ULK2: variants seen among roughly 807,000 people sequenced by gnomAD.
The protein encoded by ULK2 is serine/threonine-protein kinase ULK2.
ULK2 carries 76 observed loss-of-function variants against 127.5 expected under a neutral mutation model. The ratio of observed to expected loss-of-function variants is 0.60; its 90% CI spans 0.50 to 0.72. The LOEUF is 0.72. Among genes scored for constraint, ULK2 ranks in the 30% least tolerant of loss-of-function variants. ULK2 has a pLI of 0.00. For synonymous variants in ULK2, 452 were observed against 461.9 expected, an observed-to-expected ratio of 0.98 and a Z score of 0.28; for missense variants, 1,144 against 1,295.9, an observed-to-expected ratio of 0.88 and a Z score of 1.80.
intron 3 of ULK2, among the ~76,000 whole-genome samples, chr17:19,856,340 T>C (rs1178718776): frequency 6.6e-6 from 1 of 152,124 alleles, no homozygotes; most frequent in African/African-American, 2.4e-5. Context: ...CCCAGCACTT[T>C]GGGAGGCCGA....
At chr17:19,792,437 C>G (rs1356125271) in intron 20 of ULK2, among the ~76,000 whole-genome samples, 3 of 152,240 alleles carry the variant, frequency 2.0e-5, no homozygotes, top group Non-Finnish European at 4.4e-5. Flanking sequence ...CTTCTGCCTT[C>G]CATTATGTGA....
At chr17:19,834,000 A>G (rs1449633779) in intron 10 of ULK2, among the ~76,000 whole-genome samples, 7 of 152,320 alleles carry the variant, frequency 4.6e-5, no homozygotes, top group African/African-American at 1.7e-4. Flanking sequence ...AGAGATACAC[A>G]TCTAGACACA....
At position 19,804,789 on chromosome 17, in the gene ULK2, G is replaced by A. The variant is rs772059900; in HGVS notation, c.1199C>T (p.Pro400Leu). 2 of 1,612,868 alleles carry A rather than the reference G, an allele frequency of 1.2e-6. No individual in the cohort carries two copies. The highest frequency in any genetic ancestry group is 1.1e-5 in the South Asian group (1 of 90,886). ...CCTTATTTGAGTAGGAACTGGAATT[G>A]GTGCTGTTTCGCTGTGAGGTGACAC... is the stretch of plus-strand genomic sequence containing the variant. ...PTVSPHSETA[P>L]IPVPTQIRNY... The change falls in exon 15 of 27, where the codon CCA becomes CTA. Residue 400 changes from proline to leucine, a missense_variant. This residue lies in a region of ULK2 where 913 missense variants were observed against 970.5 expected (regional missense o/e 0.94). Transcript: ENST00000395544.
intron 12 of ULK2, among the ~76,000 whole-genome samples, chr17:19,817,410 C>A (rs2041018625): frequency 6.6e-6 from 1 of 152,060 alleles, no homozygotes; most frequent in South Asian, 2.1e-4. Context: ...AAAAAATAGA[C>A]AAATCAGGAA....
intron 16 of ULK2, among the ~76,000 whole-genome samples, chr17:19,800,744 TG>T (rs371618440): frequency 6.6e-6 from 1 of 152,282 alleles, no homozygotes; most frequent in Non-Finnish European, 1.5e-5. Flanking sequence ...GGCCCTCTCC[TG>T]GAAGTATTTT....
At chr17:19,777,427 A>C (rs2086832638) in intron 26 of ULK2, among the ~76,000 whole-genome samples, 154 bp downstream of exon 26, 1 of 152,208 alleles carries the variant, frequency 6.6e-6, no homozygotes, top group Non-Finnish European at 1.5e-5. Context: ...TATGAAAAAG[A>C]AGCTGAGGCC....
intron 10 of ULK2, among the ~76,000 whole-genome samples, chr17:19,831,099 C>G (rs1308965259): frequency 6.6e-6 from 1 of 151,522 alleles, no homozygotes; most frequent in Non-Finnish European, 1.5e-5. Flanking sequence ...TTCTCCATGG[C>G]TGGGGAGGTT....
chr17:19,819,489 T>G (rs1211315148), intron 12 of ULK2, among the ~76,000 whole-genome samples: 1 of 152,198 alleles, frequency 6.6e-6, no homozygotes, highest in East Asian at 1.9e-4. Context: ...CTTGTTGTAC[T>G]TACCCGAGTG....
At chr17:19,840,648 G>T in intron 9 of ULK2, 1 of 177,878 alleles carries the variant, frequency 5.6e-6, no homozygotes, top group Non-Finnish European at 1.2e-5. Context: ...AGGATGAGGC[G>T]GGGGGATCAC....
intron 25 of ULK2, 124 bp from the exon 26 acceptor site, chr17:19,777,840 C>A: frequency 8.4e-7 from 1 of 1,190,734 alleles, no homozygotes. Flanking sequence ...GTGATACAGT[C>A]TGCAAAACTA....
chr17:19,779,149 A>G (rs1236351935), intron 25 of ULK2, among the ~76,000 whole-genome samples: 7 of 152,230 alleles, frequency 4.6e-5, no homozygotes, highest in Middle Eastern at 6.3e-3. Flanking sequence ...AAATTTCAAA[A>G]TAAGGCCACG....
At position 19,804,662 on chromosome 17, in the gene ULK2, G is replaced by C. The variant is rs934667516; in HGVS notation, c.1295+31C>G. 3 of 1,548,578 alleles carry C rather than the reference G, an allele frequency of 1.9e-6. No individual in the cohort carries two copies. The Admixed American group carries it at 5.9e-5, about 31-fold the overall frequency. On this transcript the variant is annotated intron_variant, in intron 15 of 26. Coordinates refer to ENST00000395544, the MANE Select transcript of ULK2 (RefSeq NM_014683.4). ...AATTTTTTTTAAAGGAGATGAAAAA[G>C]AATTAAGCAAGAAAAAAGCTACTAA...
rs780288995 is a variant in ULK2, at chr17:19,796,128, C to T, written c.1964G>A (p.Arg655Gln). 3.3e-5 allele frequency: 54 copies of T among 1,613,560 alleles called. No homozygotes were observed. Among genetic ancestry groups the T allele is most frequent in the Middle Eastern group, 3.3e-4 (2 of 6,082 alleles). The change falls in exon 19 of 27, where the codon CGG becomes CAG. Residue 655 changes from arginine to glutamine, a missense_variant. Physicochemically the swap from Arg to Gln is conservative, Grantham distance 43 (BLOSUM62 1). This residue lies in a region of ULK2 where 913 missense variants were observed against 970.5 expected (regional missense o/e 0.94). Transcript: ENST00000395544. Reference protein sequence around the residue: ...CLLVQGSERQRAEQQSKAVFG... With the variant: ...CLLVQGSERQQAEQQSKAVFG... ...CACTGCCTTGCTCTGCTGCTCGGCC[C>T]GCTGCCTCTCACTTCCTTGCACTAA...
intron 1 of ULK2, among the ~76,000 whole-genome samples, chr17:19,866,045 GTAAC>G (rs2042344860): frequency 6.6e-6 from 1 of 152,040 alleles, no homozygotes; most frequent in Admixed American, 6.6e-5. Flanking sequence ...AGTCCACATG[GTAAC>G]TAACATTAAA....
rs747910006 is a variant in ULK2 at position 19,777,733 on chromosome 17, A to G, written c.2917-17T>C. 1.9e-6 allele frequency: 3 copies of G among 1,585,886 alleles called. No individual in the cohort carries two copies. Among genetic ancestry groups the G allele is most frequent in the Non-Finnish European group, 2.6e-6 (3 of 1,169,680 alleles). ...AGACTGAACCTGGAACCAGTCAACA[A>G]AAACACAATTCTCTCAATTTTTCCA... On this transcript the variant is annotated splice_polypyrimidine_tract_variant and intron_variant, in intron 25 of 26. Transcript: ENST00000395544.
intron 3 of ULK2, among the ~76,000 whole-genome samples, chr17:19,862,474 T>A (rs1212990037): frequency 6.6e-6 from 1 of 151,956 alleles, no homozygotes; most frequent in Admixed American, 6.6e-5. Flanking sequence ...ACAATTTTTT[T>A]TTTTTGTTTG....
At position 19,773,254 on chromosome 17, in the gene ULK2, G is replaced by C. The variant is rs1249924143; in HGVS notation, c.*3095C>G. 6.6e-6 allele frequency: 1 copy of C among 152,278 alleles called. No individual in the cohort carries two copies. Among genetic ancestry groups the C allele is most frequent in the Non-Finnish European group, 1.5e-5 (1 of 68,090 alleles). 9.4% of individuals were successfully genotyped at this position (152,278 alleles called of 1,614,324 possible). ...ATTGCGCCAATGCACTCCAGCCTGG[G>C]CAACAGGGTGACTCTGTCTCAAAAC... On this transcript the variant is annotated 3_prime_UTR_variant, in exon 27 of 27. Coordinates refer to ENST00000395544, the MANE Select transcript of ULK2 (RefSeq NM_014683.4).
chr17:19,860,667 T>C lies in ULK2; in HGVS notation c.225+4136A>G, dbSNP rs545884708. Among the ~76,000 whole-genome samples the C allele has an allele frequency of 2.0e-5, 3 of 151,702 alleles. No individual in the cohort carries two copies. In the Admixed American group the frequency reaches 2.0e-4, roughly 10 times the overall value. ...AGCCTCCCGAGTAGCTGGGATTACA[T>C]GCATGTGCCACCATGCCCAGCTAAT... On this transcript the variant is annotated intron_variant, in intron 3 of 26. Transcript: ENST00000395544.
At position 19,776,377 on chromosome 17, in the gene ULK2, G is replaced by T; in HGVS notation, c.3083C>A (p.Ala1028Glu). The T allele has an allele frequency of 6.2e-7, 1 of 1,605,050 alleles. No homozygotes were observed. The highest frequency in any genetic ancestry group is 2.2e-5 in the East Asian group (1 of 44,540). The change falls in exon 27 of 27, where the codon GCG becomes GAG. Residue 1028 changes from alanine to glutamate, a missense_variant. Physicochemically the swap from Ala to Glu is moderately radical, Grantham distance 107. Around this residue, in one of 2 missense-constraint regions of ULK2, gnomAD observed 913 missense variants for 970.5 expected, o/e 0.94. Transcript: ENST00000395544. Reference protein sequence around the residue: ...YKCSIERRLSALCHSTATV With the variant: ...YKCSIERRLSELCHSTATV ...CACGGTTGCGGTGCTATGGCAGAGCGCCGACAGTCTTCTCTCAATACTACA... is the reference window on the plus strand; with the variant it reads ...CACGGTTGCGGTGCTATGGCAGAGCTCCGACAGTCTTCTCTCAATACTACA...
Sources: gnomAD v4.1 joint callset for allele counts (sites outside exome capture counted in the v4.1 genomes callset) on GRCh38, gnomAD v4.1.1 for gene constraint, gnomAD v4.1.1 regional missense constraint, MANE v1.5 for transcripts, NCBI Gene and HGNC (gene_info 2026-07-23, HGNC 2026-07-21) for gene names.